Variants in MGAT4C observed in about 807,000 individuals in gnomAD.
MGAT4C encodes MGAT4 family member C, also known as alpha-1,3-mannosyl-glycoprotein 4-beta-N-acetylglucosaminyltransferase C.
A neutral mutation model predicts 40.1 loss-of-function variants in MGAT4C; 19 were observed. The observed-to-expected ratio is 0.47, with a 90% CI of 0.33 to 0.70. The LOEUF is 0.70. MGAT4C is among the 30% of genes least tolerant of loss of function. The probability of loss-of-function intolerance (pLI) is 0.02; values close to 1 mark genes in which losing one functional copy is unlikely to be tolerated. For missense variants in MGAT4C, 491 were observed against 563.2 expected, an observed-to-expected ratio of 0.87 and a Z score of 1.30; for synonymous variants, 181 against 187.1, an observed-to-expected ratio of 0.97 and a Z score of 0.27.
chr12:86,166,933 G>A (rs1431682282), intron 1 of MGAT4C, among the ~76,000 whole-genome samples: 2 of 152,160 alleles, frequency 1.3e-5, no homozygotes, highest in Non-Finnish European at 2.9e-5. Context: ...TATTTGGCAA[G>A]TATGCATAAT....
At chr12:86,279,594 T>C (rs1411684617) in intron 4 of MGAT4C, among the ~76,000 whole-genome samples, 1 of 151,916 alleles carries the variant, frequency 6.6e-6, no homozygotes, top group Non-Finnish European at 1.5e-5. Context: ...ACAAGCAACA[T>C]TTTGTTTTGT....
chr12:86,630,476 T>C (rs985282999), intron 2 of MGAT4C, among the ~76,000 whole-genome samples: 1 of 152,198 alleles, frequency 6.6e-6, no homozygotes, highest in Non-Finnish European at 1.5e-5. Flanking sequence ...CCAATATTCC[T>C]GATGAACATC....
chr12:86,668,422 C>T (rs1038604175), intron 2 of MGAT4C, among the ~76,000 whole-genome samples: 2 of 152,216 alleles, frequency 1.3e-5, no homozygotes, highest in South Asian at 2.1e-4. Flanking sequence ...GGGCAATCCA[C>T]GAGGAGGAAG....
chr12:86,717,939 C>G (rs1950673352), intron 2 of MGAT4C, among the ~76,000 whole-genome samples: 1 of 151,872 alleles, frequency 6.6e-6, no homozygotes, highest in South Asian at 2.1e-4. Context: ...TTTCTTTTTC[C>G]CTTACTATCC....
chr12:86,196,512 G>T (rs961276761), intron 1 of MGAT4C, among the ~76,000 whole-genome samples: 3 of 152,222 alleles, frequency 2.0e-5, no homozygotes, highest in Non-Finnish European at 4.4e-5. Flanking sequence ...TGTTGGGTAT[G>T]TGATGGGAGT....
intron 2 of MGAT4C, among the ~76,000 whole-genome samples, chr12:86,018,961 C>A (rs555620118): frequency 6.6e-6 from 1 of 152,178 alleles, no homozygotes; most frequent in Admixed American, 6.5e-5. Flanking sequence ...CTAATTGAGA[C>A]AAGTTATGTT....
intron 3 of MGAT4C, among the ~76,000 whole-genome samples, chr12:86,412,211 G>A (rs892605148): frequency 7.9e-5 from 12 of 152,182 alleles, no homozygotes; most frequent in Admixed American, 7.2e-4. Flanking sequence ...TCCCCACTGG[G>A]GCACTTCCTA....
At chr12:86,142,205 G>C (rs1235010945) in intron 1 of MGAT4C, among the ~76,000 whole-genome samples, 1 of 152,164 alleles carries the variant, frequency 6.6e-6, no homozygotes, top group Non-Finnish European at 1.5e-5. Flanking sequence ...GAATTTAGGT[G>C]ATGTAAACAG....
Position 85,975,449 on chromosome 12 carries a change from T to C in MGAT4C, c.*3840A>G, listed in dbSNP as rs1361806837. On this transcript the variant is annotated 3_prime_UTR_variant, in exon 5 of 5. Coordinates refer to ENST00000611864, the MANE Select transcript of MGAT4C (RefSeq NM_001351288.2). ...TTGCTACCTTTAAAAACATATGAGG[T>C]AAAATTATTCCTATTCACAGATGTA... 3 of 150,896 alleles carry C rather than the reference T, an allele frequency of 2.0e-5. No individual in the cohort carries two copies. The highest frequency in any genetic ancestry group is 7.3e-5 in the African/African-American group (3 of 41,300). 9.3% of individuals were successfully genotyped at this position (150,896 alleles called of 1,614,324 possible).
In MGAT4C at chr12:86,194,710, C is replaced by T. The variant is rs568421134; in HGVS notation, c.-57+61529G>A. Among the ~76,000 whole-genome samples the T allele has an allele frequency of 6.3e-4, 96 of 152,070 alleles. 2 individuals carry two copies. The South Asian group carries it at 0.018, about 29-fold the overall frequency. ...AACTCCTGACCTCAGATGATCCATC[C>T]GCCTCAGCTTCCCAAAGTGCTGGGA... On this transcript the variant is annotated intron_variant, in intron 1 of 4. Coordinates refer to ENST00000611864, the MANE Select transcript of MGAT4C (RefSeq NM_001351288.2).
intron 2 of MGAT4C, among the ~76,000 whole-genome samples, chr12:86,588,459 C>T (rs915467292): frequency 2.0e-5 from 3 of 152,100 alleles, no homozygotes; most frequent in African/African-American, 7.2e-5. Flanking sequence ...TAATGGGAGA[C>T]TTTAACACCC....
rs191193323 is a variant in MGAT4C, at chr12:86,454,386, C to T, written c.-228-19121G>A. Among the ~76,000 whole-genome samples the T allele has an allele frequency of 2.5e-3, 373 of 152,110 alleles. 3 individuals carry two copies. The highest frequency in any genetic ancestry group is 3.6e-3 in the Non-Finnish European group (246 of 67,990). On this transcript the variant is annotated intron_variant, in intron 2 of 7. Coordinates refer to the MGAT4C transcript ENST00000548651. Reference sequence around the variant, plus strand: ...GGAACTACAGGTGCAAACTGCTACACCTGATTAATTTTTGTATTTTTTGTA... The same window carrying T: ...GGAACTACAGGTGCAAACTGCTACATCTGATTAATTTTTGTATTTTTTGTA...
At chr12:86,289,660 T>G (rs1953453962) in intron 4 of MGAT4C, among the ~76,000 whole-genome samples, 1 of 152,222 alleles carries the variant, frequency 6.6e-6, no homozygotes, top group South Asian at 2.1e-4. Flanking sequence ...TTATTCCTTT[T>G]GTGGCTATTG....
chr12:86,790,960 G>A (rs1221336943), intron 1 of MGAT4C, among the ~76,000 whole-genome samples: 3 of 152,096 alleles, frequency 2.0e-5, no homozygotes, highest in Non-Finnish European at 4.4e-5. Context: ...CTCCCATTGT[G>A]TAGGCAACAG....
chr12:86,394,503 T>A (rs10858423), intron 3 of MGAT4C, among the ~76,000 whole-genome samples: 10,677 of 145,470 alleles, frequency 0.073, 950 homozygotes, highest in East Asian at 0.24. Flanking sequence ...ATATATATAT[T>A]TTTTAAATAT....
chr12:86,379,770 C>A (rs1955894993), intron 3 of MGAT4C, among the ~76,000 whole-genome samples: 1 of 152,032 alleles, frequency 6.6e-6, no homozygotes, highest in Non-Finnish European at 1.5e-5. Flanking sequence ...TTACAAATTT[C>A]AATAATCTTA....
At chr12:86,252,689 T>C (rs932141909) in intron 1 of MGAT4C, among the ~76,000 whole-genome samples, 3 of 150,916 alleles carry the variant, frequency 2.0e-5, no homozygotes, top group Non-Finnish European at 2.9e-5. Flanking sequence ...TTGGGAGATA[T>C]TAAGTTTTTA....
At chr12:86,224,153 G>A (rs1331768448) in intron 1 of MGAT4C, among the ~76,000 whole-genome samples, 2 of 151,984 alleles carry the variant, frequency 1.3e-5, no homozygotes, top group East Asian at 3.9e-4. Context: ...CCACCAGGGG[G>A]GTCTGAAGAC....
intron 1 of MGAT4C, among the ~76,000 whole-genome samples, chr12:86,778,166 G>A (rs897041060): frequency 6.6e-6 from 1 of 152,100 alleles, no homozygotes; most frequent in Non-Finnish European, 1.5e-5. Flanking sequence ...CAAGACGAAA[G>A]ATAAGGATAA....
Sources: gnomAD v4.1 joint callset for allele counts (sites outside exome capture counted in the v4.1 genomes callset) on GRCh38, gnomAD v4.1.1 for gene constraint, MANE v1.5 for transcripts, NCBI Gene and HGNC (gene_info 2026-07-23, HGNC 2026-07-21) for gene names.